TMEM266: variants seen among roughly 807,000 people sequenced by gnomAD.
The protein encoded by TMEM266 is Hv1 related protein 1.
A neutral mutation model predicts 50.5 loss-of-function variants in TMEM266; 33 were observed. The observed-to-expected ratio is 0.65, with a 90% CI of 0.50 to 0.87. The LOEUF (loss-of-function observed/expected upper bound fraction) is 0.87, where lower values mean the gene tolerates loss of function less well. Ranked by LOEUF, TMEM266 falls within the 40% of genes least tolerant of loss-of-function variation. TMEM266 has a pLI of 0.00. For missense variants in TMEM266, 655 were observed against 695.1 expected, an observed-to-expected ratio of 0.94 and a Z score of 0.65; for synonymous variants, 310 against 292.3, an observed-to-expected ratio of 1.06 and a Z score of -0.62.
At chr15:76,166,901 A>G (rs1191456977) in intron 5 of TMEM266, among the ~76,000 whole-genome samples, 2 of 152,196 alleles carry the variant, frequency 1.3e-5, no homozygotes, top group Non-Finnish European at 2.9e-5. Context: ...TACTTAACAC[A>G]CTTGGACACT....
rs768136065 is a variant in TMEM266, at chr15:76,160,201, T to C, written c.456+33T>C. ...GAGACTCTGGCCCTGTCACCTCCTC[T>C]GTTGGGTGACTCCTGTCCTGGGGAA... On this transcript the variant is annotated intron_variant, in intron 5 of 10. Transcript: ENST00000388942. This position sits in a 1 kb window ranked among gnomAD's most constrained non-coding sequence, Gnocchi z 5.7. 3.1e-6 allele frequency: 5 copies of C among 1,589,130 alleles called. No individual in the cohort carries two copies. The South Asian group carries it at 5.5e-5, about 18-fold the overall frequency.
intron 6 of TMEM266, 58 bp downstream of exon 6, chr15:76,169,930 C>T (rs1017302222): frequency 5.5e-5 from 85 of 1,553,990 alleles, no homozygotes; most frequent in Non-Finnish European, 6.4e-5. Flanking sequence ...AGCTGGAAAA[C>T]GTCATGTCCC....
chr15:76,181,117 G>A (rs1260763857), intron 8 of TMEM266: 2 of 152,216 alleles, frequency 1.3e-5, no homozygotes, highest in Non-Finnish European at 2.9e-5. Context: ...CCCTGGGGAG[G>A]GCAGCTGGCC....
chr15:76,192,561 A>T, intron 9 of TMEM266, among the ~76,000 whole-genome samples: 1 of 152,148 alleles, frequency 6.6e-6, no homozygotes, highest in African/African-American at 2.4e-5. Flanking sequence ...TTCCAGACAG[A>T]GGTCTGGGGC....
At chr15:76,105,169 C>T (rs1272687187) in intron 1 of TMEM266, among the ~76,000 whole-genome samples, 1 of 152,106 alleles carries the variant, frequency 6.6e-6, no homozygotes, top group African/African-American at 2.4e-5. Flanking sequence ...TCGCTTGAAC[C>T]CAGGAGGCGA....
chr15:76,119,104 T>C (rs1596116111), intron 1 of TMEM266, among the ~76,000 whole-genome samples: 1 of 152,202 alleles, frequency 6.6e-6, no homozygotes, highest in African/African-American at 2.4e-5. Context: ...CAGGAAATCC[T>C]GGTGCCATCT....
chr15:76,196,960 A>G (rs1013858565), intron 9 of TMEM266, among the ~76,000 whole-genome samples: 1 of 152,254 alleles, frequency 6.6e-6, no homozygotes, highest in African/African-American at 2.4e-5. Flanking sequence ...AAGCTCGCCC[A>G]TAACTTATGA....
At position 76,159,956 on chromosome 15, in the gene TMEM266, G is replaced by C. The variant is rs560931230; in HGVS notation, c.383-139G>C. 4 of 776,302 alleles carry C rather than the reference G, an allele frequency of 5.2e-6. No individual in the cohort carries two copies. In the East Asian group the frequency reaches 7.7e-5, roughly 15 times the overall value. The allele number at this position is 776,302 out of a possible 1,614,324, so 48.1% of individuals were successfully genotyped here. A position where few individuals can be genotyped will look rare whatever the true frequency, so the allele number is the denominator to read the frequency against. On this transcript the variant is annotated intron_variant, in intron 4 of 10. Coordinates refer to ENST00000388942, the MANE Select transcript of TMEM266 (RefSeq NM_152335.3). ...CCAGCTGAAGCTGCCCTTGCTCTCT[G>C]ACCCAATTTCCACCAGATCTAAACG...
At chr15:76,130,157 G>A (rs2142026052) in intron 1 of TMEM266, among the ~76,000 whole-genome samples, 1 of 138,106 alleles carries the variant, frequency 7.2e-6, no homozygotes. Flanking sequence ...GGAGTTCAAG[G>A]CTGTAGTGAG....
intron 7 of TMEM266, 62 bp downstream of exon 7, chr15:76,171,193 AGAG>A (rs1351375315): frequency 3.1e-6 from 5 of 1,588,796 alleles, no homozygotes; most frequent in Non-Finnish European, 4.3e-6. Context: ...CTTTCAACTG[AGAG>A]GAGATGCCGT....
intron 8 of TMEM266, among the ~76,000 whole-genome samples, chr15:76,184,556 G>A (rs1459238425): frequency 6.6e-6 from 1 of 152,214 alleles, no homozygotes; most frequent in East Asian, 1.9e-4. Context: ...TTGAAGGCAG[G>A]GCAGCCTGTG....
intron 1 of TMEM266, among the ~76,000 whole-genome samples, chr15:76,076,623 A>G (rs1262345291): frequency 6.6e-6 from 1 of 152,100 alleles, no homozygotes; most frequent in Non-Finnish European, 1.5e-5. Context: ...GGCAGAAATG[A>G]TACTCACAGG....
intron 1 of TMEM266, among the ~76,000 whole-genome samples, chr15:76,075,196 A>G (rs2036588316): frequency 6.6e-6 from 1 of 152,072 alleles, no homozygotes; most frequent in South Asian, 2.1e-4. Context: ...TGTGGATGAC[A>G]TTTTGAGCCA....
chr15:76,190,618 A>C lies in TMEM266; in HGVS notation c.769-1350A>C, dbSNP rs73446498. On this transcript the variant is annotated intron_variant, in intron 8 of 10. Transcript: ENST00000388942. ...GATGTTGGGGTGGGGGAAAGGGAGGAAGCAAGGAAGGTGATTGCATTTTTG... is the reference window on the plus strand; with the variant it reads ...GATGTTGGGGTGGGGGAAAGGGAGGCAGCAAGGAAGGTGATTGCATTTTTG... Among the ~76,000 whole-genome samples, 1,459 of 152,134 alleles carry C rather than the reference A, an allele frequency of 9.6e-3. 32 individuals are homozygous for C. The highest frequency in any genetic ancestry group is 0.033 in the African/African-American group (1,379 of 41,480).
intron 8 of TMEM266, among the ~76,000 whole-genome samples, chr15:76,187,707 T>C (rs2038508922): frequency 6.6e-6 from 1 of 152,206 alleles, no homozygotes; most frequent in Non-Finnish European, 1.5e-5. Flanking sequence ...AGCATCGGGC[T>C]CAGTGTGTGA....
At chr15:76,203,160 C>G (rs2038776908) in intron 10 of TMEM266, among the ~76,000 whole-genome samples, 1 of 152,008 alleles carries the variant, frequency 6.6e-6, no homozygotes, top group Non-Finnish European at 1.5e-5. Context: ...CTGATCATCC[C>G]ACCCCGCAGC....
At chr15:76,097,333 G>A (rs748960340) in intron 1 of TMEM266, among the ~76,000 whole-genome samples, 19 of 151,916 alleles carry the variant, frequency 1.3e-4, no homozygotes, top group Non-Finnish European at 2.2e-4. Flanking sequence ...CAGCTTTATC[G>A]CTTGTCTGTA....
intron 1 of TMEM266, among the ~76,000 whole-genome samples, chr15:76,065,918 C>G (rs534052514): frequency 3.3e-5 from 5 of 152,254 alleles, no homozygotes; most frequent in African/African-American, 1.2e-4. Flanking sequence ...TCACCTCTTC[C>G]TATTCTGCCC....
chr15:76,091,548 T>G (rs2036848227), intron 1 of TMEM266, among the ~76,000 whole-genome samples: 1 of 151,906 alleles, frequency 6.6e-6, no homozygotes, highest in Non-Finnish European at 1.5e-5. Flanking sequence ...AAACCCCATC[T>G]CAAACAAAAC....
Sources: allele counts gnomAD v4.1 joint callset (sites outside exome capture counted in the v4.1 genomes callset), GRCh38; gene constraint gnomAD v4.1.1; non-coding constraint Gnocchi (gnomAD v3.1); transcripts MANE v1.5; gene names NCBI Gene and HGNC (gene_info 2026-07-23, HGNC 2026-07-21).